Variants in ZIC3 observed in about 807,000 individuals in gnomAD.
ZIC3 encodes Zic family zinc finger 3.
Under a neutral mutation model 18.3 loss-of-function variants are expected in ZIC3, and 6 were observed. That is an observed-to-expected ratio of 0.33 (90% CI 0.18 to 0.65). The LOEUF (loss-of-function observed/expected upper bound fraction) is 0.65, where lower values mean the gene tolerates loss of function less well. ZIC3 is among the 30% of genes least tolerant of loss of function. The probability of loss-of-function intolerance (pLI) is 0.75; values close to 1 mark genes in which losing one functional copy is unlikely to be tolerated. For missense variants in ZIC3, 260 were observed against 410.0 expected, an observed-to-expected ratio of 0.63 and a Z score of 3.16; for synonymous variants, 175 against 177.0, an observed-to-expected ratio of 0.99 and a Z score of 0.09.
At chrX:137,573,156 AAAAAC>A (rs1195351087), downstream of ZIC3, among the ~76,000 whole-genome samples, 439 of 69,071 alleles carry the variant, frequency 6.4e-3, 5 homozygotes, top group African/African-American at 0.022. Context: ...AAAAAAAAAA[AAAAAC>A]CAAACAAACC....
chrX:137,566,449 C>T lies in ZIC3; in HGVS notation c.-243C>T. On this transcript the variant is annotated 5_prime_UTR_variant, in exon 1 of 3. Transcript: ENST00000287538. ...GTCCGAGTCTTTTCTCCTCCCTTCT[C>T]CTCCCTCCTCCTCCCCCCGCCAACA... 2 of 383,456 alleles carry T rather than the reference C, an allele frequency of 5.2e-6. No homozygotes were observed. The highest frequency in any genetic ancestry group is 4.5e-6 in the Non-Finnish European group (1 of 220,289). The allele number at this position is 383,456 out of a possible 1,213,427, so 31.6% of individuals were successfully genotyped here.
chrX:137,574,306 G>A (rs1156339268), downstream of ZIC3, among the ~76,000 whole-genome samples: 1 of 113,727 alleles, frequency 8.8e-6, no homozygotes, highest in African/African-American at 3.2e-5. Context: ...GCCTGGGATA[G>A]AGGGGGCGGC....
Position 137,566,724 on chromosome X carries a change from C to T in ZIC3, c.33C>T (p.Phe11=). 1 of 1,198,063 alleles carries T rather than the reference C, an allele frequency of 8.3e-7. No individual in the cohort carries two copies. The highest frequency in any genetic ancestry group is 1.1e-6 in the Non-Finnish European group (1 of 889,546). The change falls in exon 1 of 3, where the codon TTC becomes TTT. Residue 11 remains phenylalanine, a synonymous_variant. Coordinates refer to ENST00000287538, the MANE Select transcript of ZIC3 (RefSeq NM_003413.4). ...TGCTCCTGGACGGAGGCCCGCAGTT[C>T]CCTGGGCTGGGAGTGGGCAGCTTCG... is the stretch of plus-strand genomic sequence containing the variant. MTMLLDGGPQ[F]PGLGVGSFGA... is the part of the protein sequence containing the mutation.
downstream of ZIC3, among the ~76,000 whole-genome samples, chrX:137,574,307 A>G (rs1197005875): frequency 8.8e-6 from 1 of 113,112 alleles, no homozygotes; most frequent in Non-Finnish European, 1.9e-5. Context: ...CCTGGGATAG[A>G]GGGGGCGGCG....
In ZIC3 at chrX:137,566,514, C is replaced by A; in HGVS notation, c.-178C>A. ...TTTCTTCCCCTCCTCCCTCCTATCCCTCTGCAGGAGACTCTTGCAGTGACG... is the reference window on the plus strand; with the variant it reads ...TTTCTTCCCCTCCTCCCTCCTATCCATCTGCAGGAGACTCTTGCAGTGACG... On this transcript the variant is annotated 5_prime_UTR_variant, in exon 1 of 3. Transcript: ENST00000287538. 1 of 755,272 alleles carries A rather than the reference C, an allele frequency of 1.3e-6. No homozygotes were observed. Among genetic ancestry groups the A allele is most frequent in the Non-Finnish European group, 1.9e-6 (1 of 530,244 alleles). 62.2% of individuals were successfully genotyped at this position (755,272 alleles called of 1,213,427 possible). A position where few individuals can be genotyped will look rare whatever the true frequency, so the allele number is the denominator to read the frequency against.
chrX:137,566,867 G>A lies in ZIC3; in HGVS notation c.176G>A (p.Ser59Asn), dbSNP rs1334871954. 8.6e-7 allele frequency: 1 copy of A among 1,163,709 alleles called. No individual in the cohort carries two copies. The highest frequency in any genetic ancestry group is 1.9e-5 in the South Asian group (1 of 52,723). ...AAAAAAAFKL[S>N]PAAAHDLSSG... ...GCCGCCGCCGCTGCCTTCAAGCTGA[G>A]CCCTGCCGCGGCGCACGATCTATCT... The change falls in exon 1 of 3, where the codon AGC (serine) becomes AAC (asparagine). Residue 59 changes from serine (S) to asparagine (N), a missense_variant. Transcript: ENST00000287538.
rs1931338872 is a variant in ZIC3, at chrX:137,566,435, T to C, written c.-257T>C. On this transcript the variant is annotated 5_prime_UTR_variant, in exon 1 of 3. Coordinates refer to ENST00000287538, the MANE Select transcript of ZIC3 (RefSeq NM_003413.4). ...TTAAACCAGATCTAGTCCGAGTCTT[T>C]TCTCCTCCCTTCTCCTCCCTCCTCC... The C allele has an allele frequency of 2.5e-6, 1 of 394,655 alleles. No individual in the cohort carries two copies. Among genetic ancestry groups the C allele is most frequent in the African/African-American group, 2.5e-5 (1 of 39,246 alleles). The allele number at this position is 394,655 out of a possible 1,213,427, so 32.5% of individuals were successfully genotyped here.
rs748932035 is a variant in ZIC3, at chrX:137,568,814, C to T, written c.1061-88C>T. 157 of 1,077,646 alleles carry T rather than the reference C, an allele frequency of 1.5e-4. No homozygotes were observed. In the African/African-American group the frequency reaches 2.5e-3, roughly 17 times the overall value. The allele number at this position is 1,077,646 out of a possible 1,213,427, so 88.8% of individuals were successfully genotyped here. A position where few individuals can be genotyped will look rare whatever the true frequency, so the allele number is the denominator to read the frequency against. On this transcript the variant is annotated intron_variant, in intron 1 of 2. Coordinates refer to ENST00000287538, the MANE Select transcript of ZIC3 (RefSeq NM_003413.4). ...GTCCGCGCTCCCTTTCCGGGAAGAC[C>T]GCCGGGAGCTCAGTCTCCTGCTGCT...
At chrX:137,568,874 AC>A (rs754787784) in intron 1 of ZIC3, 27 bp from the exon 2 acceptor site, 13 of 1,205,433 alleles carry the variant, frequency 1.1e-5, no homozygotes, top group Non-Finnish European at 1.5e-5. Context: ...ACCGTATTTT[AC>A]CCCCCTTGGG....
chrX:137,567,609 C>G lies in ZIC3; in HGVS notation c.918C>G (p.Gly306=). The G allele has an allele frequency of 8.2e-7, 1 of 1,212,347 alleles. No homozygotes were observed. The highest frequency in any genetic ancestry group is 1.7e-5 in the African/African-American group (1 of 57,960). The change falls in exon 1 of 3, where the codon GGC becomes GGG. Residue 306 remains glycine, a synonymous_variant. Coordinates refer to ENST00000287538, the MANE Select transcript of ZIC3 (RefSeq NM_003413.4). The part of the protein sequence containing the change: ...VCYWEECPRE[G]KSFKAKYKLV... ...ACTGGGAGGAGTGCCCCCGGGAGGGCAAGTCTTTCAAGGCGAAGTACAAAC... is the reference window on the plus strand; with the variant it reads ...ACTGGGAGGAGTGCCCCCGGGAGGGGAAGTCTTTCAAGGCGAAGTACAAAC...
At chrX:137,568,681 G>GCC in intron 1 of ZIC3, 8 of 142,755 alleles carry the variant, frequency 5.6e-5, no homozygotes, top group Non-Finnish European at 8.9e-5. Context: ...TTTTGGGCCG[G>GCC]CCCCGCCCCA....
exon 3 of ZIC3, chrX:137,577,172 T>C: frequency 1.9e-6 from 1 of 525,556 alleles, no homozygotes; most frequent in South Asian, 2.5e-5. Context: ...ACGAAGAACT[T>C]GATACTGACG....
chrX:137,567,389 A>G lies in ZIC3; in HGVS notation c.698A>G (p.His233Arg). Residue 233 changes from histidine to arginine, a missense_variant, in exon 1 of 3, where the codon CAC becomes CGC. Physicochemically the swap from His to Arg is conservative, Grantham distance 29. This residue lies in a region of ZIC3 where 183 missense variants were observed against 223.8 expected (regional missense o/e 0.82). Coordinates refer to ENST00000287538, the MANE Select transcript of ZIC3 (RefSeq NM_003413.4). ...AACATGGGAGTGAACGTGGCGGCCCACCACGGGCCCGGCGCCTTCTTCCGT... is the reference window on the plus strand; with the variant it reads ...AACATGGGAGTGAACGTGGCGGCCCGCCACGGGCCCGGCGCCTTCTTCCGT... Reference protein sequence around the residue: ...NMNMGVNVAAHHGPGAFFRYM... With the variant: ...NMNMGVNVAARHGPGAFFRYM... 8.3e-7 allele frequency: 1 copy of G among 1,211,450 alleles called. No homozygotes were observed. Among genetic ancestry groups the G allele is most frequent in the Non-Finnish European group, 1.1e-6 (1 of 895,538 alleles).
chrX:137,569,162 C>T (rs1931401323), intron 2 of ZIC3, 97 bp downstream of exon 2: 3 of 1,057,578 alleles, frequency 2.8e-6, no homozygotes, highest in Admixed American at 4.7e-5. Context: ...CCTCTGTCTT[C>T]CACGTTAAAT....
chrX:137,569,527 C>T (rs1356077882), intron 2 of ZIC3, among the ~76,000 whole-genome samples: 1 of 112,785 alleles, frequency 8.9e-6, no homozygotes, highest in African/African-American at 3.2e-5. Context: ...CTTCTCTGTA[C>T]CTGCTTTCTC....
chrX:137,573,155 AAAAAAC>A (rs1179686198), downstream of ZIC3, among the ~76,000 whole-genome samples: 8 of 66,391 alleles, frequency 1.2e-4, no homozygotes, highest in African/African-American at 4.0e-4. Flanking sequence ...AAAAAAAAAA[AAAAAAC>A]CAAACAAACC....
chrX:137,568,782 G>A (rs1931394737), intron 1 of ZIC3, 120 bp from the exon 2 acceptor site: 2 of 796,294 alleles, frequency 2.5e-6, no homozygotes, highest in African/African-American at 4.3e-5. Flanking sequence ...TGCAGCAGCA[G>A]CCCCCAGTCC....
chrX:137,576,014 C>T (rs748716256), downstream of ZIC3, among the ~76,000 whole-genome samples: 2 of 109,590 alleles, frequency 1.8e-5, no homozygotes, highest in South Asian at 3.9e-4. Flanking sequence ...GGAGCCTCTT[C>T]AGTAGTTTGG....
chrX:137,567,797 C>G, intron 1 of ZIC3, 46 bp downstream of exon 1: 1 of 1,211,141 alleles, frequency 8.3e-7, no homozygotes, highest in Non-Finnish European at 1.1e-6. Flanking sequence ...GGCGATACCC[C>G]GTCACGCAGC....
Sources: allele counts gnomAD v4.1 joint callset (sites outside exome capture counted in the v4.1 genomes callset), GRCh38; gene constraint gnomAD v4.1.1; regional missense constraint gnomAD v4.1.1; transcripts MANE v1.5; gene names NCBI Gene and HGNC (gene_info 2026-07-23, HGNC 2026-07-21).